The following LUZP2 variants were observed in gnomAD, a reference collection of about 807,000 sequenced individuals.
The protein encoded by LUZP2 is leucine zipper protein 2.
Under a neutral mutation model 51.6 loss-of-function variants are expected in LUZP2, and 52 were observed. That is an observed-to-expected ratio of 1.01 (90% confidence interval 0.81 to 1.27). The LOEUF (loss-of-function observed/expected upper bound fraction) is 1.27, where lower values mean the gene tolerates loss of function less well. Among genes scored for constraint, LUZP2 ranks in the 50% most tolerant of loss-of-function variants. The pLI is 0.00. For synonymous variants in LUZP2, 154 were observed against 137.3 expected, an observed-to-expected ratio of 1.12 and a Z score of -0.85; for missense variants, 436 against 395.4, an observed-to-expected ratio of 1.10 and a Z score of -0.87.
chr11:24,794,137 C>T (rs1849483280), intron 5 of LUZP2, among the ~76,000 whole-genome samples: 1 of 152,022 alleles, frequency 6.6e-6, no homozygotes, highest in Non-Finnish European at 1.5e-5. Flanking sequence ...TGAGCCTGGC[C>T]TTGTTAGCCT....
chr11:24,667,189 T>TTC (rs1284234240), intron 1 of LUZP2, among the ~76,000 whole-genome samples: 1 of 148,918 alleles, frequency 6.7e-6, no homozygotes, highest in East Asian at 1.9e-4. Flanking sequence ...TTTTTCTTTT[T>TTC]TTTTTTTTTT....
intron 5 of LUZP2, among the ~76,000 whole-genome samples, chr11:24,899,151 T>C (rs1474269237): frequency 6.6e-6 from 1 of 152,204 alleles, no homozygotes; most frequent in African/African-American, 2.4e-5. Context: ...TTATATATCA[T>C]GTGTAATGAC....
At chr11:24,823,273 G>A (rs1286795037) in intron 5 of LUZP2, among the ~76,000 whole-genome samples, 1 of 151,982 alleles carries the variant, frequency 6.6e-6, no homozygotes, top group East Asian at 1.9e-4. Flanking sequence ...ATGAGTTTCA[G>A]GAAGAATTAA....
At chr11:24,842,823 T>TA (rs1338946593) in intron 5 of LUZP2, among the ~76,000 whole-genome samples, 1 of 151,880 alleles carries the variant, frequency 6.6e-6, no homozygotes, top group Non-Finnish European at 1.5e-5. Context: ...ATTGTTATAT[T>TA]AAAAAGAATA....
intron 5 of LUZP2, among the ~76,000 whole-genome samples, chr11:24,869,631 C>T (rs976642853): frequency 6.6e-6 from 1 of 151,986 alleles, no homozygotes; most frequent in Admixed American, 6.6e-5. Context: ...TCATACTGAT[C>T]TGTGCTTAGT....
At chr11:25,028,787 G>A (rs1396977620) in intron 9 of LUZP2, among the ~76,000 whole-genome samples, 1 of 151,508 alleles carries the variant, frequency 6.6e-6, no homozygotes, top group Non-Finnish European at 1.5e-5. Flanking sequence ...CTAGTTTCTA[G>A]CCTCAATTCC....
chr11:24,745,655 T>C (rs1859351954), intron 4 of LUZP2, among the ~76,000 whole-genome samples: 1 of 152,034 alleles, frequency 6.6e-6, no homozygotes. Context: ...TGGCAAGCTT[T>C]TTGTTGTTGT....
intron 1 of LUZP2, among the ~76,000 whole-genome samples, chr11:24,705,800 A>G (rs1193738808): frequency 6.6e-6 from 1 of 152,206 alleles, no homozygotes; most frequent in Non-Finnish European, 1.5e-5. Flanking sequence ...AATTTAATCT[A>G]TGTAAACATC....
chr11:25,062,807 A>G (rs1169665402), intron 10 of LUZP2, among the ~76,000 whole-genome samples: 1 of 151,378 alleles, frequency 6.6e-6, no homozygotes, highest in East Asian at 1.9e-4. Flanking sequence ...ATATGCTACC[A>G]GATTAAGCAT....
chr11:24,891,265 T>C, intron 5 of LUZP2: 1 of 984,210 alleles, frequency 1.0e-6, no homozygotes, highest in African/African-American at 1.7e-5. Context: ...TAAGTGAAAA[T>C]ATCATTAGTC....
intron 1 of LUZP2, among the ~76,000 whole-genome samples, chr11:24,598,360 T>A (rs986802455): frequency 6.6e-6 from 1 of 152,104 alleles, no homozygotes; most frequent in Non-Finnish European, 1.5e-5. Context: ...ATAAGAGCCT[T>A]ATTTTGTCAG....
At chr11:24,796,090 T>C (rs1849537397) in intron 5 of LUZP2, among the ~76,000 whole-genome samples, 2 of 152,246 alleles carry the variant, frequency 1.3e-5, no homozygotes, top group African/African-American at 4.8e-5. Flanking sequence ...CTTTGTTTTT[T>C]GAGTGCAAAT....
chr11:24,919,486 T>C (rs202085694), intron 7 of LUZP2, among the ~76,000 whole-genome samples: 4 of 135,394 alleles, frequency 3.0e-5, no homozygotes, highest in South Asian at 2.3e-4. Context: ...TTATATATAA[T>C]ATATATTCTT....
chr11:24,663,982 G>T (rs1856118918), intron 1 of LUZP2, among the ~76,000 whole-genome samples: 1 of 152,000 alleles, frequency 6.6e-6, no homozygotes, highest in African/African-American at 2.4e-5. Context: ...CCCAGTCTTG[G>T]GTATGTCTTC....
At chr11:24,669,132 C>A (rs376705314) in intron 1 of LUZP2, among the ~76,000 whole-genome samples, 1 of 152,062 alleles carries the variant, frequency 6.6e-6, no homozygotes, top group African/African-American at 2.4e-5. Context: ...CAGTAACTAC[C>A]TTTGTGACAT....
At chr11:25,027,086 A>C (rs1857515070) in intron 9 of LUZP2, among the ~76,000 whole-genome samples, 1 of 152,052 alleles carries the variant, frequency 6.6e-6, no homozygotes, top group African/African-American at 2.4e-5. Flanking sequence ...ACAGGATCTT[A>C]AATTTTTTAA....
intron 1 of LUZP2, among the ~76,000 whole-genome samples, chr11:24,539,825 C>T (rs912003243): frequency 2.0e-5 from 3 of 151,974 alleles, no homozygotes; most frequent in Admixed American, 2.0e-4. Context: ...CTGAAAATTG[C>T]TCAATTCAGG....
intron 9 of LUZP2, among the ~76,000 whole-genome samples, chr11:25,010,328 C>T (rs936997566): frequency 7.2e-5 from 11 of 152,034 alleles, no homozygotes; most frequent in Middle Eastern, 3.4e-3. Context: ...CTGAGGCAGG[C>T]GGATCACTTG....
intron 5 of LUZP2, among the ~76,000 whole-genome samples, chr11:24,837,162 A>T (rs532990492): frequency 1.9e-4 from 29 of 151,928 alleles, no homozygotes; most frequent in Non-Finnish European, 4.0e-4. Context: ...TAGAATATAT[A>T]TGGTAATTAT....
Sources: allele counts gnomAD v4.1 joint callset (sites outside exome capture counted in the v4.1 genomes callset), GRCh38; gene constraint gnomAD v4.1.1; transcripts MANE v1.5; gene names NCBI Gene and HGNC (gene_info 2026-07-23, HGNC 2026-07-21).